UACA: variants seen among roughly 807,000 people sequenced by gnomAD.
UACA encodes the protein nuclear membrane binding protein.
Under a neutral mutation model 160.5 loss-of-function variants are expected in UACA, and 112 were observed. The ratio of observed to expected loss-of-function variants is 0.70; its 90% CI spans 0.60 to 0.82. The LOEUF (loss-of-function observed/expected upper bound fraction) is 0.82. Ranked by LOEUF, UACA falls within the 40% of genes least tolerant of loss-of-function variation. The pLI, the probability that UACA is intolerant of heterozygous loss-of-function variation, is 0.00. For synonymous variants in UACA, 557 were observed against 568.4 expected (o/e 0.98, Z 0.29); for missense variants, 1,574 against 1,614.6 (o/e 0.97, Z 0.43).
rs943619219 is a variant in UACA, at chr15:70,655,985, GGTT to G, written c.*1068_*1070del. The stretch of plus-strand genomic sequence containing the variant: ...CTAATGAGATGCAGTTAATAAAAAC[GGTT>G]GTTTACTTCAGAGTATTTACTATAA... On this transcript the variant is annotated 3_prime_UTR_variant, in exon 19 of 19. Transcript: ENST00000322954. 83 of 152,120 alleles carry G rather than the reference GGTT, an allele frequency of 5.5e-4. No individual in the cohort carries two copies. The highest frequency in any genetic ancestry group is 2.0e-3 in the African/African-American group (81 of 41,504). 9.4% of individuals were successfully genotyped at this position (152,120 alleles called of 1,614,324 possible). A position where few individuals can be genotyped will look rare whatever the true frequency, so the allele number is the denominator to read the frequency against.
At chr15:70,670,780 C>T (rs1420193204) in intron 15 of UACA, among the ~76,000 whole-genome samples, 1 of 152,054 alleles carries the variant, frequency 6.6e-6, no homozygotes, top group African/African-American at 2.4e-5. Context: ...TGAACAGAAA[C>T]TTAGCATCAA....
intron 1 of UACA, chr15:70,703,222 G>A: frequency 7.8e-7 from 1 of 1,288,430 alleles, no homozygotes; most frequent in South Asian, 1.2e-5. Context: ...TACCACAATA[G>A]CATGAGAATA....
At chr15:70,763,656 G>A (rs1194049804), upstream of UACA, 5 of 576,976 alleles carry the variant, frequency 8.7e-6, no homozygotes, top group South Asian at 8.9e-5. Flanking sequence ...AATGGGGCGG[G>A]ACTTCCCTTT....
chr15:70,676,343 T>C, intron 13 of UACA, 150 bp downstream of exon 13: 1 of 558,692 alleles, frequency 1.8e-6, no homozygotes, highest in East Asian at 2.9e-5. Flanking sequence ...ACCCCAGTTT[T>C]GCCAAAGAGG....
At chr15:70,678,335 C>A in intron 10 of UACA, 129 bp from the exon 11 acceptor site, 1 of 523,300 alleles carries the variant, frequency 1.9e-6, no homozygotes, top group East Asian at 3.1e-5. Flanking sequence ...ACAAAAGATA[C>A]AATAATTTCA....
chr15:70,700,318 T>C (rs200521618), intron 1 of UACA, among the ~76,000 whole-genome samples: 2,503 of 139,808 alleles, frequency 0.018, 85 homozygotes, highest in African/African-American at 0.058. Flanking sequence ...TATATATATA[T>C]ACACACACAC....
intron 1 of UACA, among the ~76,000 whole-genome samples, chr15:70,752,633 G>A (rs996803543): frequency 2.6e-5 from 4 of 151,762 alleles, no homozygotes; most frequent in African/African-American, 9.7e-5. Context: ...TTAAACAAGA[G>A]TCAATGAGAT....
intron 17 of UACA, among the ~76,000 whole-genome samples, chr15:70,661,916 C>T (rs1301086780): frequency 1.3e-5 from 2 of 152,110 alleles, no homozygotes; most frequent in African/African-American, 4.8e-5. Context: ...ACTGAATGGG[C>T]AAAAACTGGA....
At chr15:70,757,888 CAT>C (rs960632326) in intron 1 of UACA, among the ~76,000 whole-genome samples, 5 of 152,190 alleles carry the variant, frequency 3.3e-5, no homozygotes, top group African/African-American at 1.2e-4. Flanking sequence ...ACTCCAAGTT[CAT>C]CCTCCACACT....
chr15:70,688,491 T>TA (rs1897810158), intron 5 of UACA, among the ~76,000 whole-genome samples: 2 of 152,146 alleles, frequency 1.3e-5, no homozygotes, highest in African/African-American at 2.4e-5. Context: ...TTCTTTTTTT[T>TA]ATTGGTGAAA....
At chr15:70,746,610 T>A (rs894710862) in intron 1 of UACA, among the ~76,000 whole-genome samples, 3 of 152,188 alleles carry the variant, frequency 2.0e-5, no homozygotes, top group Admixed American at 1.3e-4. Context: ...AAATACCATT[T>A]GACCCATCAA....
chr15:70,691,469 C>CT, intron 3 of UACA, 106 bp from the exon 4 acceptor site: 1 of 750,826 alleles, frequency 1.3e-6, no homozygotes, highest in Non-Finnish European at 2.2e-6. Flanking sequence ...TGACAACATA[C>CT]TTAATCTGTA....
rs1183848073 is a variant in UACA, at chr15:70,695,014, T to C, written c.301+3A>G. ...TTATAATTAACTATGGAGGCAAACA[T>C]ACCTGCAGTGTCACTGGTTGTAATA... On this transcript the variant is annotated splice_donor_region_variant and intron_variant, in intron 3 of 18. Coordinates refer to ENST00000322954, the MANE Select transcript of UACA (RefSeq NM_018003.4). 1.9e-6 allele frequency: 3 copies of C among 1,603,344 alleles called. No homozygotes were observed. Among genetic ancestry groups the C allele is most frequent in the Non-Finnish European group, 2.6e-6 (3 of 1,172,858 alleles).
Position 70,679,686 on chromosome 15 carries a change from A to G in UACA, c.823-10T>C. ...TGTGTGTCAAATTTCGCTTTGGTAA[A>G]ACATAAGAAAACACGGGTCAGCAAG... On this transcript the variant is annotated splice_polypyrimidine_tract_variant and intron_variant, in intron 9 of 18. Transcript: ENST00000322954. The G allele has an allele frequency of 6.4e-7, 1 of 1,562,170 alleles. No individual in the cohort carries two copies. The highest frequency in any genetic ancestry group is 8.7e-7 in the Non-Finnish European group (1 of 1,147,784).
At chr15:70,704,381 G>A (rs1898466012) in intron 1 of UACA, among the ~76,000 whole-genome samples, 1 of 152,152 alleles carries the variant, frequency 6.6e-6, no homozygotes, top group Admixed American at 6.5e-5. Flanking sequence ...GATTGCAACT[G>A]AGCAAACAGA....
chr15:70,671,164 T>G, intron 14 of UACA, 73 bp from the exon 15 acceptor site: 1 of 1,039,152 alleles, frequency 9.6e-7, no homozygotes. Flanking sequence ...TAATTTGATG[T>G]TATTTCCTTT....
chr15:70,728,634 C>T (rs1271111502), intron 1 of UACA, among the ~76,000 whole-genome samples: 2 of 149,446 alleles, frequency 1.3e-5, no homozygotes, highest in African/African-American at 2.5e-5. Context: ...TCAGCCTCGG[C>T]AAAACATTTA....
At chr15:70,728,612 G>C (rs60213271) in intron 1 of UACA, among the ~76,000 whole-genome samples, 27,678 of 147,996 alleles carry the variant, frequency 0.19, 3,965 homozygotes, top group African/African-American at 0.4. Context: ...CTAGGAAATA[G>C]CATTCTGGAA....
rs544263104 is a variant in UACA at position 70,656,987 on chromosome 15, C to A, written c.*69G>T. ...ACCAGCACAGTAAGGCCCAGAAAGA[C>A]CATGGAGTTGCACAAAGAATGTTCA... On this transcript the variant is annotated 3_prime_UTR_variant, in exon 19 of 19. Transcript: ENST00000322954. The A allele has an allele frequency of 2.2e-4, 279 of 1,288,806 alleles. 1 individual carries two copies. The South Asian group carries it at 3.1e-3, about 14-fold the overall frequency. The allele number at this position is 1,288,806 out of a possible 1,614,324, so 79.8% of individuals were successfully genotyped here.
Sources: gnomAD v4.1 joint callset for allele counts (sites outside exome capture counted in the v4.1 genomes callset) on GRCh38, gnomAD v4.1.1 for gene constraint, MANE v1.5 for transcripts, NCBI Gene and HGNC (gene_info 2026-07-23, HGNC 2026-07-21) for gene names.